Variants in CSAD observed in about 807,000 individuals in gnomAD.
The protein encoded by CSAD is P-selectin cytoplasmic tail-associated protein.
CSAD carries 47 observed loss-of-function variants against 61.5 expected under a neutral mutation model. That is an observed-to-expected ratio of 0.76 (90% CI 0.60 to 0.97). CSAD has a LOEUF of 0.97. Ranked by LOEUF, CSAD falls within the 50% of genes least tolerant of loss-of-function variation. CSAD has a pLI of 0.00. For missense variants in CSAD, 611 were observed against 643.6 expected (o/e 0.95, Z 0.55); for synonymous variants, 245 against 252.7 (o/e 0.97, Z 0.29).
chr12:53,162,611 A>T (rs1359887665), intron 10 of CSAD, among the ~76,000 whole-genome samples: 1 of 151,760 alleles, frequency 6.6e-6, no homozygotes, highest in Non-Finnish European at 1.5e-5. Context: ...TTTATGCAGA[A>T]ATTGAATTAG....
intron 10 of CSAD, among the ~76,000 whole-genome samples, chr12:53,167,778 A>G (rs1241805494): frequency 6.6e-6 from 1 of 152,222 alleles, no homozygotes; most frequent in Non-Finnish European, 1.5e-5. Flanking sequence ...TGCTGGTGGG[A>G]TTGTAAACTG....
chr12:53,168,225 T>C (rs1487318919), intron 10 of CSAD, among the ~76,000 whole-genome samples: 1 of 152,106 alleles, frequency 6.6e-6, no homozygotes, highest in Non-Finnish European at 1.5e-5. Context: ...TTGGGAGAAT[T>C]ACAGAGGGAT....
intron 2 of CSAD, among the ~76,000 whole-genome samples, chr12:53,174,978 C>G (rs1048560188): frequency 1.3e-5 from 2 of 152,182 alleles, no homozygotes; most frequent in African/African-American, 2.4e-5. Flanking sequence ...AACCCCTCAA[C>G]CCCCGCTGGC....
At chr12:53,169,453 T>C (rs1180539700) in intron 10 of CSAD, among the ~76,000 whole-genome samples, 2 of 148,990 alleles carry the variant, frequency 1.3e-5, no homozygotes, top group Non-Finnish European at 3.0e-5. Flanking sequence ...CACTCCTGCC[T>C]GGGCAACAGG....
At chr12:53,164,772 A>G (rs976717346) in intron 10 of CSAD, 8 of 152,250 alleles carry the variant, frequency 5.3e-5, no homozygotes, top group African/African-American at 1.7e-4. Flanking sequence ...AATGGAAAGA[A>G]CATATCTGAA....
chr12:53,160,002 C>T, intron 14 of CSAD, 64 bp from the exon 15 acceptor site: 1 of 1,596,814 alleles, frequency 6.3e-7, no homozygotes. Flanking sequence ...CAGAAGAGGC[C>T]CACGTAGAAT....
chr12:53,160,342 T>C lies in CSAD; in HGVS notation c.967-23A>G, dbSNP rs7956919. 8,299 of 1,611,488 alleles carry C rather than the reference T, an allele frequency of 5.1e-3. 359 individuals carry two copies. In the African/African-American group the frequency reaches 0.095, roughly 19 times the overall value. ...GTTCTGTGTGGGGGTGAGGAGATTG[T>C]CAGACCCTACCCTCTCCACCGAGGC... On this transcript the variant is annotated intron_variant, in intron 13 of 16. Coordinates refer to ENST00000444623, the MANE Select transcript of CSAD (RefSeq NM_001244705.2).
rs1940834447 is a variant in CSAD at position 53,173,430 on chromosome 12, G to A, written c.41C>T (p.Pro14Leu). ...CCGGAGCAAGGCTTCCACAGCCACT[G>A]GGTCCCCAGCAAGGGAGGGGAGTGC... ...SEALPSLAGD[P>L]VAVEALLRAV... The change falls in exon 4 of 17, where the codon CCA (proline) becomes CTA (leucine). Residue 14 changes from proline (P) to leucine (L), a missense_variant. Pro to Leu is a moderately conservative substitution (Grantham distance 98, BLOSUM62 -3). Transcript: ENST00000444623. 3 of 1,614,190 alleles carry A rather than the reference G, an allele frequency of 1.9e-6. No homozygotes were observed. The highest frequency in any genetic ancestry group is 2.5e-6 in the Non-Finnish European group (3 of 1,180,022).
chr12:53,163,593 ATACT>A (rs1454193725), intron 10 of CSAD, among the ~76,000 whole-genome samples: 1 of 152,234 alleles, frequency 6.6e-6, no homozygotes, highest in East Asian at 1.9e-4. Context: ...AAAGAATAAA[ATACT>A]TAATCTATTT....
chr12:53,172,285 G>A (rs1940678052), intron 6 of CSAD, 61 bp downstream of exon 6: 18 of 1,439,048 alleles, frequency 1.3e-5, no homozygotes, highest in Admixed American at 3.3e-5. Flanking sequence ...CTACCCCTCA[G>A]GCACCTCTCT....
rs1425774055 is a variant in CSAD, at chr12:53,180,918, G to C, written c.-277C>G. On this transcript the variant is annotated 5_prime_UTR_variant, in exon 1 of 17. Transcript: ENST00000444623. ...TAGCTCGCAAGCCGTGGGGTGCCGC[G>C]CGGGAAGGGGGAGGGGAGGGGAGGA... 2 of 1,091,994 alleles carry C rather than the reference G, an allele frequency of 1.8e-6. No individual in the cohort carries two copies. Among genetic ancestry groups the C allele is most frequent in the Non-Finnish European group, 2.3e-6 (2 of 884,092 alleles). The allele number at this position is 1,091,994 out of a possible 1,614,324, so 67.6% of individuals were successfully genotyped here.
chr12:53,180,618 C>A (rs1941526231), intron 1 of CSAD, 114 bp downstream of exon 1: 2 of 1,283,828 alleles, frequency 1.6e-6, no homozygotes, highest in Non-Finnish European at 2.0e-6. Context: ...GAGGCTGCCC[C>A]CGCTAGTCTA....
chr12:53,180,358 A>C, intron 1 of CSAD: 1 of 985,268 alleles, frequency 1.0e-6, no homozygotes, highest in Non-Finnish European at 1.2e-6. Flanking sequence ...GTCCGCGAGG[A>C]AGAAAGAGTG....
rs1314367837 is a variant in CSAD, at chr12:53,180,900, C to G, written c.-259G>C. ...CAGACGGCAGCGCTTCAGTAGCTCG[C>G]AAGCCGTGGGGTGCCGCGCGGGAAG... On this transcript the variant is annotated 5_prime_UTR_variant, in exon 1 of 17. Transcript: ENST00000444623. The G allele has an allele frequency of 3.5e-6, 4 of 1,126,916 alleles. No homozygotes were observed. The highest frequency in any genetic ancestry group is 4.4e-6 in the Non-Finnish European group (4 of 901,858). 69.8% of individuals were successfully genotyped at this position (1,126,916 alleles called of 1,614,324 possible).
At chr12:53,166,486 A>G (rs1939960449) in intron 10 of CSAD, among the ~76,000 whole-genome samples, 1 of 152,076 alleles carries the variant, frequency 6.6e-6, no homozygotes, top group South Asian at 2.1e-4. Flanking sequence ...ATGAGTATGG[A>G]GTTTCAGTTT....
chr12:53,173,265 GAAAGA>G, intron 4 of CSAD, 75 bp downstream of exon 4: 1 of 1,267,364 alleles, frequency 7.9e-7, no homozygotes, highest in Non-Finnish European at 1.1e-6. Flanking sequence ...GGGGGGGGGA[GAAAGA>G]AAAGAAAGGA....
chr12:53,179,654 A>G, intron 1 of CSAD: 2 of 841,068 alleles, frequency 2.4e-6, no homozygotes, highest in Non-Finnish European at 3.8e-6. Flanking sequence ...TGGCTCAGGG[A>G]AATGAAATCT....
At position 53,160,817 on chromosome 12, in the gene CSAD, G is replaced by C; in HGVS notation, c.912C>G (p.His304Gln). The C allele has an allele frequency of 6.4e-7, 1 of 1,551,984 alleles. No homozygotes were observed. Residue 304 changes from histidine (H) to glutamine (Q), a missense_variant, in exon 13 of 17, where the codon CAC (histidine) becomes CAG (glutamine). His to Gln is a conservative substitution (Grantham distance 24). Coordinates refer to ENST00000444623, the MANE Select transcript of CSAD (RefSeq NM_001244705.2). ...ATTGCAGGCCTGCTGCGAGGAGCTT[G>C]TGGGGATTCCAGGCCACAGAGTCAG... ...QRADSVAWNP[H>Q]KLLAAGLQCS...
rs1940429604 is a variant in CSAD, at chr12:53,170,480, C to G, written c.590G>C (p.Gly197Ala). 6.2e-7 allele frequency: 1 copy of G among 1,613,942 alleles called. No individual in the cohort carries two copies. Among genetic ancestry groups the G allele is most frequent in the Admixed American group, 1.7e-5 (1 of 60,000 alleles). Residue 197 changes from glycine (G) to alanine (A), a missense_variant, in exon 9 of 17, where the codon GGA becomes GCA. Physicochemically the swap from Gly to Ala is moderately conservative, Grantham distance 60 (BLOSUM62 0). Transcript: ENST00000444623. Reference sequence around the variant, plus strand: ...GGTGCCAAGTCCCAGAAACGCAGCTCCCTTCTGGATGGAGTAGTGACACTG... The same window carrying G: ...GGTGCCAAGTCCCAGAAACGCAGCTGCCTTCTGGATGGAGTAGTGACACTG... ...SKECHYSIQK[G>A]AAFLGLGTDS... is the part of the protein sequence containing the mutation.
Sources: gnomAD v4.1 joint callset for allele counts (sites outside exome capture counted in the v4.1 genomes callset) on GRCh38, gnomAD v4.1.1 for gene constraint, MANE v1.5 for transcripts, NCBI Gene and HGNC (gene_info 2026-07-23, HGNC 2026-07-21) for gene names.